TMEM178B: variants seen among roughly 807,000 people sequenced by gnomAD.
The protein encoded by TMEM178B is transmembrane protein 178B.
In TMEM178B, 5 loss-of-function variants were observed where a neutral mutation model predicts 31.0. The ratio of observed to expected loss-of-function variants is 0.16; its 90% CI spans 0.08 to 0.34. The LOEUF (loss-of-function observed/expected upper bound fraction) is 0.34, where lower values mean the gene tolerates loss of function less well. TMEM178B is among the 10% of genes least tolerant of loss of function. The pLI is 1.00. For missense variants in TMEM178B, 275 were observed against 400.3 expected (o/e 0.69, Z 2.67); for synonymous variants, 164 against 164.0 (o/e 1.00, Z 0.00).
Position 141,383,444 on chromosome 7 carries a change from C to T in TMEM178B, c.497-54164C>T, listed in dbSNP as rs1447174437. Among the ~76,000 whole-genome samples the T allele has an allele frequency of 2.6e-5, 4 of 151,082 alleles. 1 individual carries two copies. The highest frequency in any genetic ancestry group is 9.7e-5 in the African/African-American group (4 of 41,064). ...CCAAGTGTTCTCATTATTCAGTTCC[C>T]ACCTATGAGTGAGAACATGCAATGT... On this transcript the variant is annotated intron_variant, in intron 2 of 3. Transcript: ENST00000565468.
At chr7:141,312,590 G>T (rs1372836759) in intron 2 of TMEM178B, among the ~76,000 whole-genome samples, 1 of 152,200 alleles carries the variant, frequency 6.6e-6, no homozygotes, top group Non-Finnish European at 1.5e-5. Flanking sequence ...TCAGTGTAAG[G>T]ATTCCATAAA....
At chr7:141,187,178 G>A (rs1371678633) in intron 1 of TMEM178B, among the ~76,000 whole-genome samples, 1 of 142,740 alleles carries the variant, frequency 7.0e-6, no homozygotes, top group Admixed American at 7.4e-5. Context: ...ACCTATGAGT[G>A]AGAACATGTG....
intron 3 of TMEM178B, among the ~76,000 whole-genome samples, chr7:141,441,922 C>T (rs901152689): frequency 1.3e-5 from 2 of 152,190 alleles, no homozygotes; most frequent in African/African-American, 4.8e-5. Context: ...AGTAGGGCAG[C>T]TTTGCTCAAC....
Position 141,345,901 on chromosome 7 carries a change from G to A in TMEM178B, c.497-91707G>A, listed in dbSNP as rs571634930. ...GTTCTTATCTTCCACCACCTTATAA[G>A]GGACTTATAAAACCTTATAAAACTT... On this transcript the variant is annotated intron_variant, in intron 2 of 3. Transcript: ENST00000565468. Among the ~76,000 whole-genome samples the A allele has an allele frequency of 2.1e-4, 32 of 152,172 alleles. No individual in the cohort carries two copies. The East Asian group carries it at 3.5e-3, about 17-fold the overall frequency.
chr7:141,245,686 A>C (rs1797719631), intron 2 of TMEM178B, among the ~76,000 whole-genome samples: 1 of 152,206 alleles, frequency 6.6e-6, no homozygotes, highest in African/African-American at 2.4e-5. Context: ...TACATAAGCC[A>C]GCTCCCCTGA....
intron 2 of TMEM178B, among the ~76,000 whole-genome samples, chr7:141,315,680 C>T (rs553190666): frequency 1.4e-3 from 219 of 152,166 alleles, no homozygotes; most frequent in Non-Finnish European, 2.4e-3. Context: ...AAGGCCCTGA[C>T]GTGATTATAA....
intron 2 of TMEM178B, among the ~76,000 whole-genome samples, chr7:141,255,356 G>A (rs943479848): frequency 6.6e-6 from 1 of 152,138 alleles, no homozygotes; most frequent in Non-Finnish European, 1.5e-5. Flanking sequence ...ACAAGACTTT[G>A]CAATTATTAA....
At chr7:141,446,002 C>A (rs1801747041) in intron 3 of TMEM178B, among the ~76,000 whole-genome samples, 1 of 152,168 alleles carries the variant, frequency 6.6e-6, no homozygotes, top group Non-Finnish European at 1.5e-5. Context: ...TATTTATTAG[C>A]ATTTGATGAT....
At chr7:141,481,643 G>A (rs1802477422), downstream of TMEM178B, among the ~76,000 whole-genome samples, 1 of 152,168 alleles carries the variant, frequency 6.6e-6, no homozygotes, top group South Asian at 2.1e-4. Context: ...AGGTAACAGA[G>A]ACAGTAAAGC....
intron 3 of TMEM178B, among the ~76,000 whole-genome samples, chr7:141,450,708 G>T (rs1017920264): frequency 1.3e-5 from 2 of 152,168 alleles, no homozygotes; most frequent in African/African-American, 4.8e-5. Context: ...AAGAGGTGGA[G>T]AGGGAAGAAG....
intron 2 of TMEM178B, among the ~76,000 whole-genome samples, chr7:141,383,718 CT>C (rs1436070868): frequency 6.6e-6 from 1 of 152,102 alleles, no homozygotes; most frequent in Non-Finnish European, 1.5e-5. Context: ...ATTTATAATC[CT>C]TTGGGTATAT....
chr7:141,424,868 A>G (rs1801284362), intron 2 of TMEM178B, among the ~76,000 whole-genome samples: 1 of 152,212 alleles, frequency 6.6e-6, no homozygotes, highest in South Asian at 2.1e-4. Flanking sequence ...TAGCTGAATA[A>G]TATTCCATTA....
rs552917468 is a variant in TMEM178B at position 141,251,517 on chromosome 7, G to A, written c.496+38813G>A. ...ATACTGCAATTAACATTTATTGCCA[G>A]GACCTACTAGGTGCATGATATAGAG... On this transcript the variant is annotated intron_variant, in intron 2 of 3. Coordinates refer to ENST00000565468, the MANE Select transcript of TMEM178B (RefSeq NM_001195278.2). Among the ~76,000 whole-genome samples, 30 of 152,160 alleles carry A rather than the reference G, an allele frequency of 2.0e-4. No homozygotes were observed. The East Asian group carries it at 5.0e-3, about 25-fold the overall frequency.
At chr7:141,331,928 A>G (rs1252697514) in intron 2 of TMEM178B, among the ~76,000 whole-genome samples, 2 of 152,132 alleles carry the variant, frequency 1.3e-5, no homozygotes, top group Non-Finnish European at 2.9e-5. Context: ...TTGTCTTTTT[A>G]TTCAGAATCT....
chr7:141,321,320 T>C (rs1328227617), intron 2 of TMEM178B, among the ~76,000 whole-genome samples: 1 of 152,188 alleles, frequency 6.6e-6, no homozygotes, highest in Non-Finnish European at 1.5e-5. Flanking sequence ...TCAAAGCAGA[T>C]TGCCCCTCAC....
At chr7:141,463,179 G>A (rs982964983) in intron 3 of TMEM178B, among the ~76,000 whole-genome samples, 1 of 152,156 alleles carries the variant, frequency 6.6e-6, no homozygotes, top group South Asian at 2.1e-4. Flanking sequence ...CACAGAAAGG[G>A]TAATTAGTTT....
At chr7:141,241,357 T>C (rs1482879196) in intron 2 of TMEM178B, among the ~76,000 whole-genome samples, 1 of 151,904 alleles carries the variant, frequency 6.6e-6, no homozygotes, top group African/African-American at 2.4e-5. Context: ...TTTGGGAGGC[T>C]GAGGTGGGCG....
the TMEM178B span, among the ~76,000 whole-genome samples, chr7:141,496,773 C>CA: frequency 0.092 from 13,736 of 149,974 alleles, 788 homozygotes; most frequent in African/African-American, 0.16. Flanking sequence ...GGAATTACTG[C>CA]AAAAAAAATG....
In TMEM178B at chr7:141,293,273, G is replaced by A. The variant is rs139794881; in HGVS notation, c.496+80569G>A. ...GGCTCCTCTGCTTTTCCCAGACATGGCCAGACCTGAGCATCTTCCAGGTAG... is the reference window on the plus strand; with the variant it reads ...GGCTCCTCTGCTTTTCCCAGACATGACCAGACCTGAGCATCTTCCAGGTAG... On this transcript the variant is annotated intron_variant, in intron 2 of 3. Transcript: ENST00000565468. Among the ~76,000 whole-genome samples, 392 of 152,270 alleles carry A rather than the reference G, an allele frequency of 2.6e-3. 4 individuals are homozygous for A. Among genetic ancestry groups the A allele is most frequent in the African/African-American group, 9.0e-3 (373 of 41,556 alleles).
Sources: gnomAD v4.1 joint callset for allele counts (sites outside exome capture counted in the v4.1 genomes callset) on GRCh38, gnomAD v4.1.1 for gene constraint, MANE v1.5 for transcripts, NCBI Gene and HGNC (gene_info 2026-07-23, HGNC 2026-07-21) for gene names.